Variants in P3H1 observed in about 807,000 individuals in gnomAD.
The protein encoded by P3H1 is growth suppressor 1.
P3H1 carries 69 observed loss-of-function variants against 84.0 expected under a neutral mutation model. The observed-to-expected ratio is 0.82, with a 90% CI of 0.68 to 1.00. The LOEUF is 1.00. Among genes scored for constraint, P3H1 ranks in the 50% least tolerant of loss-of-function variants. The pLI is 0.00. For missense variants in P3H1, 878 were observed against 962.8 expected (o/e 0.91, Z 1.17); for synonymous variants, 366 against 388.8 (o/e 0.94, Z 0.69).
intron 5 of P3H1, among the ~76,000 whole-genome samples, chr1:42,757,116 A>G (rs1356935774): frequency 6.6e-6 from 1 of 152,190 alleles, no homozygotes; most frequent in Non-Finnish European, 1.5e-5. Context: ...CAAACAAGAC[A>G]AAAGAGACCG....
In P3H1 at chr1:42,752,541, G is replaced by A. The variant is rs370461852; in HGVS notation, c.1469C>T (p.Thr490Ile). The change falls in exon 9 of 15, where the codon ACC (threonine) becomes ATC (isoleucine). Residue 490 changes from threonine to isoleucine, a missense_variant. Physicochemically the swap from Thr to Ile is moderately conservative, Grantham distance 89 (BLOSUM62 -1). Coordinates refer to ENST00000296388, the MANE Select transcript of P3H1 (RefSeq NM_022356.4). ...CAGTCACTGGGCTTCCCTTACATTG[G>A]TCAGTCTCTGCAGCTCCTGACACTC... Reference protein sequence around the residue: ...DHECQELQRLTNVAATSGDGY... With the variant: ...DHECQELQRLINVAATSGDGY... The A allele has an allele frequency of 1.2e-6, 2 of 1,613,958 alleles. No individual in the cohort carries two copies. The highest frequency in any genetic ancestry group is 2.7e-5 in the African/African-American group (2 of 74,908).
In P3H1 at chr1:42,756,965, G is replaced by A. The variant is rs985765207; in HGVS notation, c.1080+818C>T. 2.6e-5 allele frequency among the ~76,000 whole-genome samples: 4 copies of A among 152,198 alleles called. No homozygotes were observed. The South Asian group carries it at 6.2e-4, about 24-fold the overall frequency. On this transcript the variant is annotated intron_variant, in intron 5 of 14. Transcript: ENST00000296388. The stretch of plus-strand genomic sequence containing the variant: ...CCGCACAGAGCTTCGCCTGGACAGC[G>A]GCTCAACAAATGTTAGTTGCCTTCT...
intron 13 of P3H1, 124 bp downstream of exon 13, chr1:42,747,599 A>T: frequency 8.6e-7 from 1 of 1,167,906 alleles, no homozygotes; most frequent in Non-Finnish European, 1.3e-6. Flanking sequence ...GCCCCTCTGG[A>T]TGGGGGAAGG....
At position 42,767,021 on chromosome 1, in the gene P3H1, A is replaced by G. The variant is rs1376792423; in HGVS notation, c.-50T>C. ...GCCAGCCACCCGCCACCAAGGCCGG[A>G]GTCCTACCCCCGGCGAAGGCCCGCC... On this transcript the variant is annotated 5_prime_UTR_variant, in exon 1 of 15. Coordinates refer to ENST00000296388, the MANE Select transcript of P3H1 (RefSeq NM_022356.4). 1.3e-6 allele frequency: 2 copies of G among 1,586,128 alleles called. No individual in the cohort carries two copies. Among genetic ancestry groups the G allele is most frequent in the Non-Finnish European group, 1.7e-6 (2 of 1,170,772 alleles).
At chr1:42,748,662 CA>C (rs367856636) in intron 11 of P3H1, 6 of 362,590 alleles carry the variant, frequency 1.7e-5, no homozygotes, top group African/African-American at 1.3e-4. Flanking sequence ...GGGACGGACG[CA>C]GGGCAGAGTG....
At chr1:42,751,987 T>C (rs1157212667) in intron 10 of P3H1, among the ~76,000 whole-genome samples, 1 of 152,226 alleles carries the variant, frequency 6.6e-6, no homozygotes, top group Admixed American at 6.5e-5. Flanking sequence ...CTGTGCATCC[T>C]GCACAGAAGC....
rs1557562500 is a variant in P3H1, at chr1:42,750,285, CGTT to C, written c.1618_1620del (p.Asn540del). On this transcript the variant is annotated inframe_deletion, in exon 11 of 15. Transcript: ENST00000296388. Reference sequence around the variant, plus strand: ...ATGATGCGCCGCACCTTCTCCGTCACGTTGTAGTACAGGTGGGCACTCTGCAGA... The same window carrying C: ...ATGATGCGCCGCACCTTCTCCGTCACGTAGTACAGGTGGGCACTCTGCAGA... 6.2e-7 allele frequency: 1 copy of C among 1,614,086 alleles called. No homozygotes were observed.
intron 1 of P3H1, among the ~76,000 whole-genome samples, chr1:42,765,547 C>A (rs778916014): frequency 3.3e-5 from 5 of 151,936 alleles, no homozygotes; most frequent in Non-Finnish European, 5.9e-5. Flanking sequence ...TAACCAAAGA[C>A]ATAACGCAAT....
intron 1 of P3H1, among the ~76,000 whole-genome samples, chr1:42,765,706 C>A (rs1652949666): frequency 6.6e-6 from 1 of 152,178 alleles, no homozygotes; most frequent in African/African-American, 2.4e-5. Context: ...TTTTAAACAA[C>A]AGATATACCA....
chr1:42,747,179 A>G, intron 14 of P3H1, 93 bp downstream of exon 14: 1 of 1,614,138 alleles, frequency 6.2e-7, no homozygotes, highest in South Asian at 1.1e-5. Flanking sequence ...GCCACTGGCA[A>G]TGGGATTTGG....
rs1478435101 is a variant in P3H1, at chr1:42,766,779, G to A, written c.193C>T (p.Arg65Trp). Residue 65 changes from arginine (R) to tryptophan (W), a missense_variant, in exon 1 of 15, where the codon CGG (arginine) becomes TGG (tryptophan). Arg to Trp is a moderately radical substitution (Grantham distance 101). Coordinates refer to ENST00000296388, the MANE Select transcript of P3H1 (RefSeq NM_022356.4). Reference sequence around the variant, plus strand: ...AGGCGAAGGGCGCGGAGGGCTGCCCGGGAGCGCAGCGCCCGTTCCATGCTC... The same window carrying A: ...AGGCGAAGGGCGCGGAGGGCTGCCCAGGAGCGCAGCGCCCGTTCCATGCTC... ...VLSMERALRSRAALRALRLRC... is the reference protein window; with the variant it reads ...VLSMERALRSWAALRALRLRC... 5.6e-6 allele frequency: 9 copies of A among 1,598,838 alleles called. No homozygotes were observed. The highest frequency in any genetic ancestry group is 1.7e-5 in the Admixed American group (1 of 59,284).
chr1:42,753,736 C>G (rs2124115210), intron 8 of P3H1, among the ~76,000 whole-genome samples: 1 of 152,188 alleles, frequency 6.6e-6, no homozygotes, highest in African/African-American at 2.4e-5. Context: ...GCCTGGCCAA[C>G]ATGGTGAAAC....
At chr1:42,762,094 T>G (rs1224233945) in intron 2 of P3H1, 1 of 513,426 alleles carries the variant, frequency 1.9e-6, no homozygotes, top group African/African-American at 1.9e-5. Flanking sequence ...TGTAATGTAA[T>G]TAGAAAACAA....
intron 3 of P3H1, 31 bp from the exon 4 acceptor site, chr1:42,759,014 T>G: frequency 6.2e-7 from 1 of 1,613,832 alleles, no homozygotes; most frequent in Non-Finnish European, 8.5e-7. Context: ...GGAATAACTA[T>G]GAGGTCACTC....
chr1:42,749,150 C>T (rs1270043389), intron 11 of P3H1, among the ~76,000 whole-genome samples: 3 of 152,244 alleles, frequency 2.0e-5, no homozygotes, highest in South Asian at 2.1e-4. Context: ...GGCCTCACCA[C>T]GTCCTTCACT....
intron 1 of P3H1, among the ~76,000 whole-genome samples, chr1:42,764,488 T>C (rs1652889978): frequency 6.7e-6 from 1 of 150,284 alleles, no homozygotes; most frequent in African/African-American, 2.5e-5. Context: ...CTGGGCTTAA[T>C]GACTCACTGA....
chr1:42,747,366 C>A lies in P3H1; in HGVS notation c.1961G>T (p.Gly654Val), dbSNP rs867281973. 7.5e-6 allele frequency: 12 copies of A among 1,610,240 alleles called. No homozygotes were observed. Among genetic ancestry groups the A allele is most frequent in the Admixed American group, 5.0e-5 (3 of 59,838 alleles). Residue 654 changes from glycine (G) to valine (V), a missense_variant, in exon 14 of 15, where the codon GGC becomes GTC. Physicochemically the swap from Gly to Val is moderately radical, Grantham distance 109 (BLOSUM62 -3). Transcript: ENST00000296388. ...CTTCACTCCATGTGGGTTTTCAGTGCCTGAAGAGAATCCCACGGCTCTTCC... is the reference window on the plus strand; with the variant it reads ...CTTCACTCCATGTGGGTTTTCAGTGACTGAAGAGAATCCCACGGCTCTTCC... Reference protein sequence around the residue: ...QCGRAVGFSSGTENPHGVKAV... With the variant: ...QCGRAVGFSSVTENPHGVKAV...
At position 42,766,608 on chromosome 1, in the gene P3H1, G is replaced by A; in HGVS notation, c.364C>T (p.Arg122Cys). ...TGGGCGGCCGGCGGCCCGAGGCAGC[G>A]GCGCAGGCAGGCAGCGCGACGCAGA... Reference protein sequence around the residue: ...GLLRRAACLRRCLGPPAAHSL... With the variant: ...GLLRRAACLRCCLGPPAAHSL... Residue 122 changes from arginine (R) to cysteine (C), a missense_variant, in exon 1 of 15, where the codon CGC becomes TGC. Arg to Cys is a radical substitution (Grantham distance 180). Transcript: ENST00000296388. 1.2e-6 allele frequency: 2 copies of A among 1,607,240 alleles called. No homozygotes were observed. Among genetic ancestry groups the A allele is most frequent in the Non-Finnish European group, 1.7e-6 (2 of 1,177,294 alleles).
In P3H1 at chr1:42,751,431, C is replaced by A. The variant is rs1268437114; in HGVS notation, c.1569+843G>T. On this transcript the variant is annotated intron_variant, in intron 10 of 14. Transcript: ENST00000296388. ...TAAGTACCCAGGGACACAAACACTG[C>A]GGAAGGCCGCAGGGTCCTCTGCCTA... Among the ~76,000 whole-genome samples, 5 of 126,210 alleles carry A rather than the reference C, an allele frequency of 4.0e-5. No individual in the cohort carries two copies. In the East Asian group the frequency reaches 1.1e-3, roughly 28 times the overall value. The allele number at this position is 126,210 out of a possible 152,430, so 82.8% of individuals were successfully genotyped here. A position where few individuals can be genotyped will look rare whatever the true frequency, so the allele number is the denominator to read the frequency against.
Sources: gnomAD v4.1 joint callset for allele counts (sites outside exome capture counted in the v4.1 genomes callset) on GRCh38, gnomAD v4.1.1 for gene constraint, MANE v1.5 for transcripts, NCBI Gene and HGNC (gene_info 2026-07-23, HGNC 2026-07-21) for gene names.